ZNF407: variants seen among roughly 807,000 people sequenced by gnomAD.
ZNF407 encodes zinc finger protein 407.
Under a neutral mutation model 131.2 loss-of-function variants are expected in ZNF407, and 17 were observed. The ratio of observed to expected loss-of-function variants is 0.13; its 90% CI spans 0.09 to 0.19. The LOEUF (loss-of-function observed/expected upper bound fraction) is 0.19. Ranked by LOEUF, ZNF407 falls within the 10% of genes least tolerant of loss-of-function variation. The probability of loss-of-function intolerance (pLI) is 1.00; values close to 1 mark genes in which losing one functional copy is unlikely to be tolerated. For missense variants in ZNF407, 2,681 were observed against 2,830.6 expected (o/e 0.95, Z 1.20); for synonymous variants, 1,156 against 1,062.0 (o/e 1.09, Z -1.72).
intron 4 of ZNF407, among the ~76,000 whole-genome samples, chr18:74,867,485 C>A (rs908195819): frequency 6.6e-6 from 1 of 152,132 alleles, no homozygotes; most frequent in African/African-American, 2.4e-5. Flanking sequence ...GAATACATAC[C>A]AGGAATAAAA....
chr18:74,724,558 T>G (rs1968113319), intron 3 of ZNF407, among the ~76,000 whole-genome samples: 2 of 152,242 alleles, frequency 1.3e-5, no homozygotes, highest in South Asian at 4.2e-4. Flanking sequence ...TCTCTCTCTC[T>G]CTCTCTCATG....
chr18:74,926,899 T>C (rs564602205), intron 8 of ZNF407, among the ~76,000 whole-genome samples: 12 of 152,244 alleles, frequency 7.9e-5, no homozygotes, highest in Non-Finnish European at 1.5e-4. Flanking sequence ...TCTTCCTTTA[T>C]CTGCCTAACA....
chr18:74,978,119 C>A (rs1972548706), intron 8 of ZNF407, among the ~76,000 whole-genome samples: 1 of 152,132 alleles, frequency 6.6e-6, no homozygotes, highest in African/African-American at 2.4e-5. Flanking sequence ...GGCAGTGCGC[C>A]TTTGGGACCT....
At chr18:74,712,708 T>C (rs1212397685) in intron 3 of ZNF407, among the ~76,000 whole-genome samples, 1 of 152,222 alleles carries the variant, frequency 6.6e-6, no homozygotes, top group Non-Finnish European at 1.5e-5. Flanking sequence ...ATTGGGTAGA[T>C]AGCTGGACTG....
chr18:74,996,486 G>A (rs1972781690), intron 8 of ZNF407, among the ~76,000 whole-genome samples: 1 of 152,212 alleles, frequency 6.6e-6, no homozygotes, highest in South Asian at 2.1e-4. Flanking sequence ...AATGAAGTCA[G>A]GAGGTGAACG....
intron 4 of ZNF407, among the ~76,000 whole-genome samples, chr18:74,876,933 C>G (rs1971165169): frequency 6.6e-6 from 1 of 152,216 alleles, no homozygotes; most frequent in Non-Finnish European, 1.5e-5. Context: ...TCTATTCTCA[C>G]TTTTGCCTCA....
intron 3 of ZNF407, among the ~76,000 whole-genome samples, chr18:74,780,756 C>T (rs548168297): frequency 1.3e-5 from 2 of 152,012 alleles, no homozygotes; most frequent in African/African-American, 4.8e-5. Context: ...GCACTGTGTT[C>T]AGGGGTAGAA....
chr18:74,653,693 G>A (rs898729078), intron 3 of ZNF407, among the ~76,000 whole-genome samples: 2 of 151,582 alleles, frequency 1.3e-5, no homozygotes, highest in Non-Finnish European at 3.0e-5. Flanking sequence ...ACAAAATAGC[G>A]ATACTACAAA....
intron 4 of ZNF407, among the ~76,000 whole-genome samples, chr18:74,820,376 G>A (rs1970323865): frequency 6.6e-6 from 1 of 152,152 alleles, no homozygotes; most frequent in African/African-American, 2.4e-5. Context: ...GAGCATGGTG[G>A]GGTCTGCATT....
chr18:74,998,475 A>G (rs9946036), intron 8 of ZNF407, among the ~76,000 whole-genome samples: 1 of 152,094 alleles, frequency 6.6e-6, no homozygotes, highest in African/African-American at 2.4e-5. Flanking sequence ...TCTTTCTTTC[A>G]CATAGATCAT....
intron 8 of ZNF407, among the ~76,000 whole-genome samples, chr18:75,020,401 GGT>G (rs769211506): frequency 1.3e-5 from 2 of 151,886 alleles, no homozygotes; most frequent in Non-Finnish European, 2.9e-5. Context: ...GCTCACGGAA[GGT>G]GTTCCCTGCA....
At chr18:74,845,877 C>G (rs1229391654) in intron 4 of ZNF407, among the ~76,000 whole-genome samples, 1 of 152,014 alleles carries the variant, frequency 6.6e-6, no homozygotes, top group African/African-American at 2.4e-5. Flanking sequence ...GTTGGGCTAC[C>G]AACTGATTAT....
intron 4 of ZNF407, among the ~76,000 whole-genome samples, chr18:74,850,572 A>G (rs1329347033): frequency 6.6e-6 from 1 of 152,190 alleles, no homozygotes; most frequent in African/African-American, 2.4e-5. Context: ...TTTATTTCTT[A>G]AATGTATAGA....
chr18:75,027,490 A>G (rs1371869291), intron 8 of ZNF407, among the ~76,000 whole-genome samples: 1 of 152,156 alleles, frequency 6.6e-6, no homozygotes, highest in Non-Finnish European at 1.5e-5. Flanking sequence ...GTTAGTGCAA[A>G]TAGTAGGATG....
Position 74,742,487 on chromosome 18 carries a change from T to C in ZNF407, c.4803-38941T>C, listed in dbSNP as rs182775906. Among the ~76,000 whole-genome samples, 23 of 152,350 alleles carry C rather than the reference T, an allele frequency of 1.5e-4. No individual in the cohort carries two copies. The East Asian group carries it at 3.7e-3, about 24-fold the overall frequency. On this transcript the variant is annotated intron_variant, in intron 3 of 8. Transcript: ENST00000299687. ...TGCAGTTTTATTTGGTTCAAACTAA[T>C]ATTTTTCAGAGATAGTTTGAATCAT...
chr18:74,668,636 C>T (rs1986022882), intron 3 of ZNF407, among the ~76,000 whole-genome samples: 1 of 152,270 alleles, frequency 6.6e-6, no homozygotes, highest in South Asian at 2.1e-4. Context: ...TTGTTTAGCA[C>T]ATTTTAAGCA....
intron 3 of ZNF407, among the ~76,000 whole-genome samples, chr18:74,743,704 C>G (rs1968602459): frequency 6.6e-6 from 1 of 151,886 alleles, no homozygotes; most frequent in African/African-American, 2.4e-5. Flanking sequence ...TTACTATATT[C>G]CTTCTGCCAT....
At chr18:74,834,547 G>A (rs567918204) in intron 4 of ZNF407, among the ~76,000 whole-genome samples, 5 of 152,134 alleles carry the variant, frequency 3.3e-5, no homozygotes, top group East Asian at 3.9e-4. Flanking sequence ...GGATGAACAG[G>A]GCCCCCTTCA....
intron 4 of ZNF407, among the ~76,000 whole-genome samples, chr18:74,835,595 TTGAG>T (rs1241212685): frequency 6.6e-6 from 1 of 150,450 alleles, no homozygotes; most frequent in Non-Finnish European, 1.5e-5. Context: ...AAGGAAAATT[TTGAG>T]TGTGTGAGTT....
Sources: gnomAD v4.1 joint callset for allele counts (sites outside exome capture counted in the v4.1 genomes callset) on GRCh38, gnomAD v4.1.1 for gene constraint, MANE v1.5 for transcripts, NCBI Gene and HGNC (gene_info 2026-07-23, HGNC 2026-07-21) for gene names.